MAPK14: variants seen among roughly 807,000 people sequenced by gnomAD.
The protein encoded by MAPK14 is CSAID-binding protein.
A neutral mutation model predicts 49.6 loss-of-function variants in MAPK14; 16 were observed. The observed-to-expected ratio is 0.32, with a 90% CI of 0.22 to 0.49. The LOEUF is 0.49. Among genes scored for constraint, MAPK14 ranks in the 20% least tolerant of loss-of-function variants. MAPK14 has a pLI of 0.99. For missense variants in MAPK14, 200 were observed against 441.2 expected (o/e 0.45, Z 4.90); for synonymous variants, 142 against 158.0 (o/e 0.90, Z 0.76).
At position 36,108,482 on chromosome 6, in the gene MAPK14, T is replaced by C; in HGVS notation, c.*35T>C. 6.5e-7 allele frequency: 1 copy of C among 1,541,602 alleles called. No individual in the cohort carries two copies. The highest frequency in any genetic ancestry group is 9.0e-7 in the Non-Finnish European group (1 of 1,113,844). The stretch of plus-strand genomic sequence containing the variant: ...TTCTGTTCTGTTGATCCCACTTCAC[T>C]GTGAGGGGAAGGCCTTTTCACGGGA... On this transcript the variant is annotated 3_prime_UTR_variant, in exon 12 of 12. Coordinates refer to ENST00000229794, the MANE Select transcript of MAPK14 (RefSeq NM_139012.3).
intron 9 of MAPK14, chr6:36,100,179 G>A: frequency 6.3e-7 from 1 of 1,586,984 alleles, no homozygotes; most frequent in African/African-American, 1.3e-5. Context: ...CCTTGACTAG[G>A]CATCTAAGAT....
At chr6:36,051,543 TTCTG>T (rs1364294789) in intron 1 of MAPK14, among the ~76,000 whole-genome samples, 1 of 152,216 alleles carries the variant, frequency 6.6e-6, no homozygotes, top group Non-Finnish European at 1.5e-5. Flanking sequence ...CACACAGCCT[TTCTG>T]TCTTTCTGTC....
chr6:36,029,181 GAT>G (rs1364979367), intron 1 of MAPK14: 1 of 152,072 alleles, frequency 6.6e-6, no homozygotes, highest in African/African-American at 2.4e-5. Context: ...TATTTTTTGA[GAT>G]AATTCCTGCG....
At chr6:36,073,165 T>C in intron 4 of MAPK14, 181 bp downstream of exon 4, 1 of 590,434 alleles carries the variant, frequency 1.7e-6, no homozygotes, top group Non-Finnish European at 3.0e-6. Context: ...GTTACCGACA[T>C]ATGGCCAATC....
chr6:36,088,073 T>C (rs1428287244), intron 8 of MAPK14, among the ~76,000 whole-genome samples: 1 of 152,186 alleles, frequency 6.6e-6, no homozygotes, highest in Non-Finnish European at 1.5e-5. Flanking sequence ...TGGCTAGCCA[T>C]GTGCAGAAAA....
rs61763100 is a variant in MAPK14 at position 36,028,589 on chromosome 6, A to T, written c.116+316A>T. 2.0e-5 allele frequency among the ~76,000 whole-genome samples: 3 copies of T among 152,110 alleles called. No individual in the cohort carries two copies. Among genetic ancestry groups the T allele is most frequent in the South Asian group, 4.1e-4 (2 of 4,824 alleles). On this transcript the variant is annotated intron_variant, in intron 1 of 11. Coordinates refer to ENST00000229794, the MANE Select transcript of MAPK14 (RefSeq NM_139012.3). The surrounding 1 kb of genome is among the most constrained non-coding windows in gnomAD (Gnocchi z 5.1). ...CTGCTCGGCAACAGGCACCGGGGGA[A>T]GGGCCGCTTCCTTGGGGGTCTCCCT... is the stretch of plus-strand genomic sequence containing the variant.
downstream of MAPK14, among the ~76,000 whole-genome samples, chr6:36,115,204 T>C (rs1766040245): frequency 6.6e-6 from 1 of 150,658 alleles, no homozygotes; most frequent in African/African-American, 2.5e-5. Context: ...ATAAGTTAAA[T>C]AAGGAAGTAA....
chr6:36,040,549 A>G (rs1484680832), intron 1 of MAPK14, among the ~76,000 whole-genome samples: 17 of 152,208 alleles, frequency 1.1e-4, no homozygotes, highest in Admixed American at 1.1e-3. Context: ...GGTCCTAGCT[A>G]TAACCCAATA....
chr6:36,035,707 A>G (rs1397116750), intron 1 of MAPK14, among the ~76,000 whole-genome samples: 3 of 152,252 alleles, frequency 2.0e-5, no homozygotes, highest in Non-Finnish European at 4.4e-5. Context: ...TTAGAAAGCA[A>G]CACAGCCTTG....
At chr6:36,064,498 A>G (rs921372143) in intron 3 of MAPK14, among the ~76,000 whole-genome samples, 2 of 152,132 alleles carry the variant, frequency 1.3e-5, no homozygotes, top group Non-Finnish European at 2.9e-5. Context: ...GAAGAGGGAA[A>G]TGGAAGTGGG....
intron 8 of MAPK14, among the ~76,000 whole-genome samples, chr6:36,084,294 C>G (rs1764888399): frequency 6.6e-6 from 1 of 152,200 alleles, no homozygotes; most frequent in African/African-American, 2.4e-5. Context: ...TTCTTTTCCT[C>G]CAAATGATCA....
chr6:36,054,801 T>C (rs769846762), intron 2 of MAPK14, among the ~76,000 whole-genome samples: 2 of 152,346 alleles, frequency 1.3e-5, no homozygotes, highest in African/African-American at 2.4e-5. Context: ...CTCCTCTTCT[T>C]TTTTAAAAAA....
At chr6:36,046,616 G>A (rs1763189881) in intron 1 of MAPK14, among the ~76,000 whole-genome samples, 1 of 152,168 alleles carries the variant, frequency 6.6e-6, no homozygotes, top group African/African-American at 2.4e-5. Flanking sequence ...AATCCAGATA[G>A]TCTAATTCCA....
At chr6:36,093,200 C>T (rs1765308038) in intron 8 of MAPK14, among the ~76,000 whole-genome samples, 1 of 152,068 alleles carries the variant, frequency 6.6e-6, no homozygotes, top group South Asian at 2.1e-4. Context: ...GCATTGAGTG[C>T]ATTAAAGAAT....
At chr6:36,085,768 A>G (rs1764957750) in intron 8 of MAPK14, among the ~76,000 whole-genome samples, 1 of 152,130 alleles carries the variant, frequency 6.6e-6, no homozygotes, top group African/African-American at 2.4e-5. Flanking sequence ...TCAAGCAGAA[A>G]ATTAACAAGG....
chr6:36,054,223 C>T (rs1404198680), intron 2 of MAPK14, among the ~76,000 whole-genome samples: 1 of 152,138 alleles, frequency 6.6e-6, no homozygotes, highest in African/African-American at 2.4e-5. Context: ...GTGACAGAGA[C>T]AGTGTCACAG....
chr6:36,039,009 A>T (rs1368013166), intron 1 of MAPK14, among the ~76,000 whole-genome samples: 2 of 152,050 alleles, frequency 1.3e-5, no homozygotes, highest in Admixed American at 6.6e-5. Context: ...CCTTTTCCCC[A>T]TTATAATACT....
chr6:36,096,226 C>T (rs1055195843), intron 9 of MAPK14, 160 bp downstream of exon 9: 26 of 563,660 alleles, frequency 4.6e-5, no homozygotes, highest in Non-Finnish European at 6.0e-5. Flanking sequence ...TGTGTGTGTG[C>T]GTGCACGCAT....
chr6:36,050,344 T>C (rs114779345), intron 1 of MAPK14, among the ~76,000 whole-genome samples: 3 of 152,310 alleles, frequency 2.0e-5, no homozygotes, highest in Admixed American at 6.5e-5. Context: ...TAACAAATTG[T>C]TGTAGTCAGG....
Sources: allele counts gnomAD v4.1 joint callset (sites outside exome capture counted in the v4.1 genomes callset), GRCh38; gene constraint gnomAD v4.1.1; non-coding constraint Gnocchi (gnomAD v3.1); transcripts MANE v1.5; gene names NCBI Gene and HGNC (gene_info 2026-07-23, HGNC 2026-07-21).